Variants in PDE7B observed in about 807,000 individuals in gnomAD.
PDE7B encodes phosphodiesterase 7B, also known as 3',5'-cyclic-AMP phosphodiesterase 7B.
Under a neutral mutation model 56.2 loss-of-function variants are expected in PDE7B, and 29 were observed. The ratio of observed to expected loss-of-function variants is 0.52; its 90% CI spans 0.38 to 0.70. The LOEUF is 0.70. Among genes scored for constraint, PDE7B ranks in the 30% least tolerant of loss-of-function variants. The pLI is 0.00. For synonymous variants in PDE7B, 197 were observed against 196.9 expected, an observed-to-expected ratio of 1.00 and a Z score of 0.00; for missense variants, 490 against 565.0, an observed-to-expected ratio of 0.87 and a Z score of 1.35.
At chr6:135,899,799 G>C (rs1335712272) in intron 1 of PDE7B, among the ~76,000 whole-genome samples, 1 of 151,896 alleles carries the variant, frequency 6.6e-6, no homozygotes. Context: ...AACACCCATG[G>C]GTAGTATATT....
At chr6:135,999,174 A>C (rs763806206) in intron 2 of PDE7B, among the ~76,000 whole-genome samples, 7 of 152,218 alleles carry the variant, frequency 4.6e-5, no homozygotes, top group Non-Finnish European at 1.0e-4. Context: ...ATATCCTAAG[A>C]GATATTTCTG....
chr6:135,940,045 T>G (rs1015237851), intron 1 of PDE7B, among the ~76,000 whole-genome samples: 1 of 152,200 alleles, frequency 6.6e-6, no homozygotes, highest in Non-Finnish European at 1.5e-5. Context: ...CATAAAGATT[T>G]TTTTTTAAAT....
chr6:136,054,132 T>G (rs893996418), intron 2 of PDE7B, among the ~76,000 whole-genome samples: 1 of 152,252 alleles, frequency 6.6e-6, no homozygotes, highest in Non-Finnish European at 1.5e-5. Flanking sequence ...TTCTTGCCCA[T>G]GCTTATGTCC....
chr6:136,133,628 T>C (rs1778157152), intron 3 of PDE7B, among the ~76,000 whole-genome samples: 1 of 152,198 alleles, frequency 6.6e-6, no homozygotes, highest in African/African-American at 2.4e-5. Flanking sequence ...TCATTCCTTC[T>C]TTCAGTAAAC....
At chr6:136,082,460 C>A (rs1385128912) in intron 2 of PDE7B, among the ~76,000 whole-genome samples, 4 of 152,190 alleles carry the variant, frequency 2.6e-5, no homozygotes, top group East Asian at 3.9e-4. Context: ...GAGAGGACAG[C>A]GAGATTTGCC....
rs190044732 is a variant in PDE7B at position 136,178,952 on chromosome 6, G to C, written c.804-45G>C. 1.4e-5 allele frequency: 23 copies of C among 1,606,558 alleles called. No individual in the cohort carries two copies. In the Admixed American group the frequency reaches 3.7e-4, roughly 26 times the overall value. On this transcript the variant is annotated intron_variant, in intron 9 of 12. Coordinates refer to ENST00000308191, the MANE Select transcript of PDE7B (RefSeq NM_018945.4). Reference sequence around the variant, plus strand: ...TAAAATCAATCACCCTCATCAAAGGGATTTGCTTTGTGTGTGTTTTTCTCT... The same window carrying C: ...TAAAATCAATCACCCTCATCAAAGGCATTTGCTTTGTGTGTGTTTTTCTCT...
intron 3 of PDE7B, among the ~76,000 whole-genome samples, chr6:136,117,374 T>G (rs1777851260): frequency 1.3e-5 from 2 of 152,192 alleles, no homozygotes; most frequent in African/African-American, 4.8e-5. Context: ...CATCCCACCT[T>G]CAACGTTTCA....
chr6:136,146,360 G>T (rs1428383781), intron 3 of PDE7B, among the ~76,000 whole-genome samples: 2 of 152,168 alleles, frequency 1.3e-5, no homozygotes, highest in African/African-American at 4.8e-5. Context: ...TGTGTTTGGG[G>T]TATTTCTGGA....
chr6:136,140,674 AG>A (rs1160652938), intron 3 of PDE7B, among the ~76,000 whole-genome samples: 2 of 152,070 alleles, frequency 1.3e-5, no homozygotes, highest in Non-Finnish European at 2.9e-5. Flanking sequence ...CTCCTTGAAG[AG>A]GTCCTTCACA....
At position 136,028,573 on chromosome 6, in the gene PDE7B, G is replaced by A. The variant is rs191849922; in HGVS notation, c.83-80158G>A. Reference sequence around the variant, plus strand: ...TTCTGGAGGCTCTAAGGGATAATCTGTTTTCCTGCCTTTTTTATCTTTGAG... The same window carrying A: ...TTCTGGAGGCTCTAAGGGATAATCTATTTTCCTGCCTTTTTTATCTTTGAG... On this transcript the variant is annotated intron_variant, in intron 2 of 12. Coordinates refer to ENST00000308191, the MANE Select transcript of PDE7B (RefSeq NM_018945.4). 4.6e-5 allele frequency among the ~76,000 whole-genome samples: 7 copies of A among 152,288 alleles called. No individual in the cohort carries two copies. The East Asian group carries it at 1.2e-3, about 25-fold the overall frequency.
At chr6:136,117,611 G>A (rs1777861423) in intron 3 of PDE7B, among the ~76,000 whole-genome samples, 1 of 152,182 alleles carries the variant, frequency 6.6e-6, no homozygotes, top group Non-Finnish European at 1.5e-5. Flanking sequence ...CAGAAGTTAT[G>A]GAGGAAAGTC....
intron 2 of PDE7B, among the ~76,000 whole-genome samples, chr6:136,035,766 C>T (rs962406174): frequency 6.6e-6 from 1 of 152,040 alleles, no homozygotes; most frequent in Non-Finnish European, 1.5e-5. Context: ...TTACAAGGAA[C>T]TAGATAAAAT....
intron 7 of PDE7B, among the ~76,000 whole-genome samples, chr6:136,154,998 T>C (rs1181314041): frequency 1.3e-5 from 2 of 152,226 alleles, no homozygotes; most frequent in Non-Finnish European, 2.9e-5. Flanking sequence ...CTCTGTTTTT[T>C]AATTTCCAAG....
chr6:136,054,486 C>T (rs994716282), intron 2 of PDE7B, among the ~76,000 whole-genome samples: 2 of 152,170 alleles, frequency 1.3e-5, no homozygotes, highest in African/African-American at 2.4e-5. Flanking sequence ...AGTCAGGTAG[C>T]ATGATGCCTC....
At chr6:136,037,348 T>C in intron 2 of PDE7B, 5 of 864,758 alleles carry the variant, frequency 5.8e-6, no homozygotes, top group Non-Finnish European at 6.9e-6. Context: ...TGATTCAATG[T>C]TATTTCCCTT....
At chr6:136,015,033 G>A (rs1470542648) in intron 2 of PDE7B, among the ~76,000 whole-genome samples, 1 of 152,218 alleles carries the variant, frequency 6.6e-6, no homozygotes, top group Non-Finnish European at 1.5e-5. Context: ...GTGCGTGTAC[G>A]TGTGCAAGCA....
At chr6:136,130,254 C>G (rs1331405855) in intron 3 of PDE7B, among the ~76,000 whole-genome samples, 1 of 152,114 alleles carries the variant, frequency 6.6e-6, no homozygotes, top group Non-Finnish European at 1.5e-5. Context: ...CTTACATTTC[C>G]TCTCAGACTA....
At chr6:135,930,918 C>T (rs1295911989) in intron 1 of PDE7B, among the ~76,000 whole-genome samples, 3 of 152,044 alleles carry the variant, frequency 2.0e-5, no homozygotes, top group African/African-American at 7.2e-5. Flanking sequence ...TTGCCAGAGC[C>T]CTTTGACTTT....
rs112079841 is a variant in PDE7B, at chr6:136,190,513, A to T, written c.1127-1101A>T. On this transcript the variant is annotated intron_variant, in intron 12 of 12. Transcript: ENST00000308191. ...TAAACATACAGGATTAGTGTTGGAA[A>T]TTTTTGTTAGGCTGAAAAACATTTG... Among the ~76,000 whole-genome samples, 180 of 152,316 alleles carry T rather than the reference A, an allele frequency of 1.2e-3. 2 individuals carry two copies. Among genetic ancestry groups the T allele is most frequent in the African/African-American group, 4.2e-3 (173 of 41,566 alleles).
Sources: gnomAD v4.1 joint callset for allele counts (sites outside exome capture counted in the v4.1 genomes callset) on GRCh38, gnomAD v4.1.1 for gene constraint, MANE v1.5 for transcripts, NCBI Gene and HGNC (gene_info 2026-07-23, HGNC 2026-07-21) for gene names.